The following EXOC4 variants were observed in gnomAD, a reference collection of about 807,000 sequenced individuals.
EXOC4 encodes the protein exocyst complex component 4.
Under a neutral mutation model 107.2 loss-of-function variants are expected in EXOC4, and 71 were observed. That is an observed-to-expected ratio of 0.66 (90% CI 0.55 to 0.81). EXOC4 has a LOEUF of 0.81. EXOC4 is among the 30% of genes least tolerant of loss of function. EXOC4 has a pLI of 0.00. For missense variants in EXOC4, 1,108 were observed against 1,189.6 expected (o/e 0.93, Z 1.01); for synonymous variants, 456 against 441.2 (o/e 1.03, Z -0.42).
At chr7:133,694,211 A>C (rs921325108) in intron 10 of EXOC4, among the ~76,000 whole-genome samples, 8 of 150,218 alleles carry the variant, frequency 5.3e-5, no homozygotes, top group African/African-American at 1.7e-4. Flanking sequence ...CAGTGAGCCG[A>C]GATCACGCTG....
At chr7:133,750,558 G>C (rs1477825759) in intron 10 of EXOC4, among the ~76,000 whole-genome samples, 1 of 149,628 alleles carries the variant, frequency 6.7e-6, no homozygotes, top group Non-Finnish European at 1.5e-5. Flanking sequence ...TAACTGTTGT[G>C]TGAGGGGATT....
At chr7:133,511,007 ATT>A (rs750594543) in intron 9 of EXOC4, among the ~76,000 whole-genome samples, 1 of 150,086 alleles carries the variant, frequency 6.7e-6, no homozygotes, top group African/African-American at 2.4e-5. Flanking sequence ...GATCTGCATC[ATT>A]TTTTTTTTCT....
At chr7:134,011,753 A>G (rs1376755639) in intron 17 of EXOC4, among the ~76,000 whole-genome samples, 2 of 151,820 alleles carry the variant, frequency 1.3e-5, no homozygotes, top group Non-Finnish European at 2.9e-5. Flanking sequence ...AAATATATAT[A>G]AAGTATTTCA....
At chr7:133,575,618 G>C (rs1483727049) in intron 9 of EXOC4, among the ~76,000 whole-genome samples, 1 of 152,212 alleles carries the variant, frequency 6.6e-6, no homozygotes, top group Non-Finnish European at 1.5e-5. Context: ...AAGAGAACCA[G>C]TTCTGGTAAT....
chr7:134,094,191 A>G, the EXOC4 span, among the ~76,000 whole-genome samples: 2 of 152,192 alleles, frequency 1.3e-5, no homozygotes, highest in Admixed American at 1.3e-4. Context: ...TTAACGAAGA[A>G]AAGATCCAAA....
chr7:133,597,588 A>G (rs10279778), intron 9 of EXOC4, among the ~76,000 whole-genome samples: 88,905 of 143,868 alleles, frequency 0.62, 28,362 homozygotes, highest in South Asian at 0.71. Flanking sequence ...CAAAAAAAAA[A>G]CCCCGAATCC....
chr7:134,008,148 G>A (rs1309754329), intron 17 of EXOC4, among the ~76,000 whole-genome samples: 1 of 152,060 alleles, frequency 6.6e-6, no homozygotes, highest in African/African-American at 2.4e-5. Context: ...AAGATACAAA[G>A]AAGAATATAA....
chr7:133,701,009 T>G (rs1794645013), intron 10 of EXOC4, among the ~76,000 whole-genome samples: 1 of 152,122 alleles, frequency 6.6e-6, no homozygotes, highest in Admixed American at 6.5e-5. Context: ...TATTCTTACC[T>G]GGTGTAATAA....
chr7:134,029,158 A>G (rs1342761300), intron 17 of EXOC4, among the ~76,000 whole-genome samples: 1 of 152,166 alleles, frequency 6.6e-6, no homozygotes, highest in East Asian at 1.9e-4. Flanking sequence ...AAAACATTCT[A>G]ATGTCTTCAT....
chr7:133,679,225 G>T (rs746382487), intron 10 of EXOC4, among the ~76,000 whole-genome samples: 1 of 152,152 alleles, frequency 6.6e-6, no homozygotes, highest in African/African-American at 2.4e-5. Context: ...TGCTGAAAGT[G>T]AATGTGCCAT....
intron 11 of EXOC4, among the ~76,000 whole-genome samples, chr7:133,886,561 T>C (rs1413324127): frequency 6.6e-6 from 1 of 152,216 alleles, no homozygotes; most frequent in Non-Finnish European, 1.5e-5. Context: ...CTTTTCTCAT[T>C]TTTCATGTCA....
At chr7:134,031,472 G>C (rs182332909) in intron 17 of EXOC4, among the ~76,000 whole-genome samples, 2 of 152,106 alleles carry the variant, frequency 1.3e-5, no homozygotes, top group Non-Finnish European at 2.9e-5. Context: ...AATGGTTTTG[G>C]TAGTCTTGGT....
At chr7:133,803,582 G>A (rs1468770931) in intron 10 of EXOC4, among the ~76,000 whole-genome samples, 1 of 152,156 alleles carries the variant, frequency 6.6e-6, no homozygotes, top group Non-Finnish European at 1.5e-5. Context: ...CTTCTACAGA[G>A]TCTAGTTTTT....
chr7:133,399,648 T>G (rs1254117802), intron 7 of EXOC4, among the ~76,000 whole-genome samples: 1 of 152,234 alleles, frequency 6.6e-6, no homozygotes, highest in Non-Finnish European at 1.5e-5. Context: ...TCATGAGTGG[T>G]GTAGACAAGA....
At chr7:133,664,907 AT>A (rs1562898115) in intron 10 of EXOC4, among the ~76,000 whole-genome samples, 1 of 152,074 alleles carries the variant, frequency 6.6e-6, no homozygotes, top group Admixed American at 6.6e-5. Flanking sequence ...GGCCCAGGTC[AT>A]TTTCATGGTA....
Position 133,356,354 on chromosome 7 carries a change from T to C in EXOC4, c.788T>C (p.Ile263Thr). ...SSVREINLQDIKEDLELDPEE... is the reference protein window; with the variant it reads ...SSVREINLQDTKEDLELDPEE... ...GTGAGGGAGATAAATCTGCAGGACA[T>C]CAAGGAAGATTTAGAATTGGATCCA... The change falls in exon 6 of 18, where the codon ATC becomes ACC. Residue 263 changes from isoleucine (I) to threonine (T), a missense_variant. By Grantham distance (89) the Ile-to-Thr change is moderately conservative. Transcript: ENST00000253861. 1 of 1,614,062 alleles carries C rather than the reference T, an allele frequency of 6.2e-7. No individual in the cohort carries two copies. Among genetic ancestry groups the C allele is most frequent in the African/African-American group, 1.3e-5 (1 of 75,038 alleles).
At chr7:133,513,261 G>T (rs1011949733) in intron 9 of EXOC4, among the ~76,000 whole-genome samples, 1 of 152,056 alleles carries the variant, frequency 6.6e-6, no homozygotes, top group Non-Finnish European at 1.5e-5. Flanking sequence ...TAGAAACAGG[G>T]TTTCACCATG....
At chr7:133,501,813 C>T (rs1799580916) in intron 9 of EXOC4, among the ~76,000 whole-genome samples, 1 of 152,150 alleles carries the variant, frequency 6.6e-6, no homozygotes, top group Admixed American at 6.5e-5. Flanking sequence ...AAAGGAAACT[C>T]ACTTTTTTGG....
chr7:133,287,605 G>A (rs545751557), intron 2 of EXOC4, among the ~76,000 whole-genome samples: 11 of 152,226 alleles, frequency 7.2e-5, no homozygotes, highest in African/African-American at 1.9e-4. Context: ...GAGCCACTGC[G>A]CCTGGCCTAC....
Sources: allele counts gnomAD v4.1 joint callset (sites outside exome capture counted in the v4.1 genomes callset), GRCh38; gene constraint gnomAD v4.1.1; transcripts MANE v1.5; gene names NCBI Gene and HGNC (gene_info 2026-07-23, HGNC 2026-07-21).